Variants in HS6ST3 observed in about 807,000 individuals in gnomAD.
The protein encoded by HS6ST3 is heparan-sulfate 6-O-sulfotransferase 3.
A neutral mutation model predicts 36.7 loss-of-function variants in HS6ST3; 12 were observed. That is an observed-to-expected ratio of 0.33 (90% CI 0.21 to 0.53). The LOEUF (loss-of-function observed/expected upper bound fraction) is 0.53. HS6ST3 is among the 20% of genes least tolerant of loss of function. The probability of loss-of-function intolerance (pLI) is 0.95; values close to 1 mark genes in which losing one functional copy is unlikely to be tolerated. For synonymous variants in HS6ST3, 240 were observed against 257.5 expected, an observed-to-expected ratio of 0.93 and a Z score of 0.65; for missense variants, 584 against 640.9, an observed-to-expected ratio of 0.91 and a Z score of 0.96.
At chr13:96,645,965 G>T (rs2056587118) in intron 1 of HS6ST3, among the ~76,000 whole-genome samples, 1 of 151,632 alleles carries the variant, frequency 6.6e-6, no homozygotes, top group Non-Finnish European at 1.5e-5. Flanking sequence ...ATTTTCAATT[G>T]GATGCTATTA....
chr13:96,615,486 A>T (rs978660440), intron 1 of HS6ST3, among the ~76,000 whole-genome samples: 12 of 152,142 alleles, frequency 7.9e-5, no homozygotes, highest in Non-Finnish European at 1.6e-4. Context: ...CAGGGTTTTA[A>T]TCAATCTTGG....
At chr13:96,505,462 T>A (rs2138915971) in intron 1 of HS6ST3, among the ~76,000 whole-genome samples, 1 of 152,288 alleles carries the variant, frequency 6.6e-6, no homozygotes, top group Non-Finnish European at 1.5e-5. Flanking sequence ...GTTGCCTAGT[T>A]TGTGCCTGGG....
At chr13:96,457,507 A>G (rs1226773857) in intron 1 of HS6ST3, among the ~76,000 whole-genome samples, 6 of 152,160 alleles carry the variant, frequency 3.9e-5, no homozygotes, top group African/African-American at 1.4e-4. Flanking sequence ...GTCCCTGTTG[A>G]TTATTGTATA....
intron 1 of HS6ST3, among the ~76,000 whole-genome samples, chr13:96,322,400 A>AAAAAAT (rs58866585): frequency 7.1e-6 from 1 of 140,548 alleles, no homozygotes. Flanking sequence ...AAAAAAAAAA[A>AAAAAAT]ACAAGCATTA....
intron 1 of HS6ST3, among the ~76,000 whole-genome samples, chr13:96,510,316 G>A (rs2056044456): frequency 6.6e-6 from 1 of 152,016 alleles, no homozygotes; most frequent in Non-Finnish European, 1.5e-5. Flanking sequence ...CATATCATAT[G>A]CAAACAGTGG....
intron 1 of HS6ST3, among the ~76,000 whole-genome samples, chr13:96,183,661 A>G (rs944611630): frequency 6.6e-6 from 1 of 152,204 alleles, no homozygotes; most frequent in Admixed American, 6.5e-5. Flanking sequence ...TGCTGAATGA[A>G]ATAAGCCAGT....
At chr13:96,718,654 A>G (rs372758848) in intron 1 of HS6ST3, among the ~76,000 whole-genome samples, 37 of 152,368 alleles carry the variant, frequency 2.4e-4, no homozygotes, top group African/African-American at 8.2e-4. Context: ...TAAGTTTTAT[A>G]TAAAGTGAGA....
At chr13:96,633,408 A>G (rs1399154318) in intron 1 of HS6ST3, among the ~76,000 whole-genome samples, 1 of 152,196 alleles carries the variant, frequency 6.6e-6, no homozygotes, top group Non-Finnish European at 1.5e-5. Flanking sequence ...TGAATGCAGT[A>G]TGCTCCAAAG....
At chr13:96,786,700 T>C (rs1877661497) in intron 1 of HS6ST3, among the ~76,000 whole-genome samples, 1 of 152,202 alleles carries the variant, frequency 6.6e-6, no homozygotes, top group African/African-American at 2.4e-5. Context: ...TAATTATACA[T>C]ATGATTGTAA....
intron 1 of HS6ST3, among the ~76,000 whole-genome samples, chr13:96,209,526 G>T (rs1594717264): frequency 6.6e-6 from 1 of 152,268 alleles, no homozygotes; most frequent in Middle Eastern, 3.4e-3. Context: ...AAAATAGTGG[G>T]TCTGATAGTA....
intron 1 of HS6ST3, among the ~76,000 whole-genome samples, chr13:96,144,921 G>A (rs1300423039): frequency 6.6e-6 from 1 of 150,560 alleles, no homozygotes; most frequent in Non-Finnish European, 1.5e-5. Context: ...CCTTGCGATA[G>A]TTTGCTGAGA....
intron 1 of HS6ST3, among the ~76,000 whole-genome samples, chr13:96,789,762 T>G (rs928737623): frequency 1.6e-4 from 24 of 151,542 alleles, no homozygotes; most frequent in African/African-American, 5.6e-4. Flanking sequence ...TGGTTTAGAT[T>G]TAAAAAAAAA....
chr13:96,100,712 A>G (rs1566881839), intron 1 of HS6ST3, among the ~76,000 whole-genome samples: 2 of 152,174 alleles, frequency 1.3e-5, no homozygotes, highest in African/African-American at 4.8e-5. Flanking sequence ...TCCAGAGTGA[A>G]TCCACTTAGA....
chr13:96,640,659 A>G (rs1044448781), intron 1 of HS6ST3, among the ~76,000 whole-genome samples: 15 of 151,936 alleles, frequency 9.9e-5, no homozygotes, highest in African/African-American at 3.6e-4. Flanking sequence ...GGTGTTTCCT[A>G]GTTTTTCTTC....
chr13:96,420,294 G>A (rs1280174331), intron 1 of HS6ST3, among the ~76,000 whole-genome samples: 1 of 152,076 alleles, frequency 6.6e-6, no homozygotes, highest in Non-Finnish European at 1.5e-5. Context: ...AAAGTCAAAT[G>A]TTTGTGTTTG....
At chr13:96,438,127 C>T (rs2055652137) in intron 1 of HS6ST3, among the ~76,000 whole-genome samples, 1 of 152,106 alleles carries the variant, frequency 6.6e-6, no homozygotes, top group Non-Finnish European at 1.5e-5. Context: ...TATTTCTTGC[C>T]ACTGGTTCAT....
At chr13:96,469,102 C>G (rs1159867351) in intron 1 of HS6ST3, among the ~76,000 whole-genome samples, 1 of 151,702 alleles carries the variant, frequency 6.6e-6, no homozygotes. Context: ...TTACAGGAGA[C>G]AGTGGGAGAG....
intron 1 of HS6ST3, among the ~76,000 whole-genome samples, chr13:96,343,746 T>C (rs1343502402): frequency 6.6e-6 from 1 of 152,160 alleles, no homozygotes; most frequent in Non-Finnish European, 1.5e-5. Flanking sequence ...TGTTTGTTTG[T>C]TTTTGTTTGG....
At chr13:96,676,987 T>C (rs1422912621) in intron 1 of HS6ST3, among the ~76,000 whole-genome samples, 2 of 152,116 alleles carry the variant, frequency 1.3e-5, no homozygotes, top group African/African-American at 4.8e-5. Context: ...TAGAGAAAAG[T>C]TGGCTTTTTA....
Sources: allele counts gnomAD v4.1 joint callset (sites outside exome capture counted in the v4.1 genomes callset), GRCh38; gene constraint gnomAD v4.1.1; transcripts MANE v1.5; gene names NCBI Gene and HGNC (gene_info 2026-07-23, HGNC 2026-07-21).